Variants in ARID1B observed in about 807,000 individuals in gnomAD.
ARID1B encodes AT-rich interactive domain-containing protein 1B.
Under a neutral mutation model 212.3 loss-of-function variants are expected in ARID1B, and 30 were observed. The observed-to-expected ratio is 0.14, with a 90% confidence interval of 0.11 to 0.19. The LOEUF is 0.19. ARID1B is among the 10% of genes least tolerant of loss of function. The pLI is 1.00. For missense variants in ARID1B, 2,891 were observed against 3,204.0 expected (o/e 0.90, Z 2.36); for synonymous variants, 1,402 against 1,301.7 (o/e 1.08, Z -1.66).
At chr6:156,967,731 G>A (rs1776899841) in intron 4 of ARID1B, among the ~76,000 whole-genome samples, 1 of 152,108 alleles carries the variant, frequency 6.6e-6, no homozygotes, top group South Asian at 2.1e-4. Flanking sequence ...AAAGTTATTT[G>A]ATCTTATTAA....
chr6:156,994,177 T>C (rs914601727), intron 4 of ARID1B, among the ~76,000 whole-genome samples: 3 of 152,168 alleles, frequency 2.0e-5, no homozygotes, highest in African/African-American at 4.8e-5. Context: ...ATTTAAAAAG[T>C]TTTTTGCCCT....
At chr6:156,843,393 A>G (rs540046609) in intron 2 of ARID1B, among the ~76,000 whole-genome samples, 18 of 152,352 alleles carry the variant, frequency 1.2e-4, no homozygotes, top group African/African-American at 4.1e-4. Context: ...CAGCACATGT[A>G]TTTTCAATGT....
intron 1 of ARID1B, among the ~76,000 whole-genome samples, chr6:156,825,922 A>G (rs1336202629): frequency 6.6e-6 from 1 of 152,240 alleles, no homozygotes; most frequent in East Asian, 1.9e-4. Flanking sequence ...TCTAATTTAA[A>G]TAATTATGAG....
Position 157,094,450 on chromosome 6 carries a change from G to A in ARID1B, c.2491+9545G>A, listed in dbSNP as rs915867723. Among the ~76,000 whole-genome samples the A allele has an allele frequency of 6.6e-6, 1 of 152,120 alleles. No homozygotes were observed. Among genetic ancestry groups the A allele is most frequent in the African/African-American group, 2.4e-5 (1 of 41,402 alleles). On this transcript the variant is annotated intron_variant, in intron 5 of 19. Coordinates refer to ENST00000636930, the MANE Select transcript of ARID1B (RefSeq NM_001374828.1). The surrounding 1 kb of genome is among the most constrained non-coding windows in gnomAD (Gnocchi z 4.3). ...ACTCACTACAACCTCTACCTCCCAGGTTCAAGCAATTCTCCTACCTCAGCC... is the reference window on the plus strand; with the variant it reads ...ACTCACTACAACCTCTACCTCCCAGATTCAAGCAATTCTCCTACCTCAGCC...
At chr6:156,932,234 G>A (rs1309055452) in intron 3 of ARID1B, among the ~76,000 whole-genome samples, 2 of 151,170 alleles carry the variant, frequency 1.3e-5, no homozygotes, top group African/African-American at 4.9e-5. Context: ...TCACACCTTT[G>A]TTTGTGAGTC....
At chr6:156,929,557 A>G (rs1791527436) in intron 3 of ARID1B, among the ~76,000 whole-genome samples, 1 of 152,226 alleles carries the variant, frequency 6.6e-6, no homozygotes. Context: ...GGATCAAGAA[A>G]TTATTGAGAC....
chr6:156,883,896 G>T (rs1410046927), intron 2 of ARID1B, among the ~76,000 whole-genome samples: 1 of 152,152 alleles, frequency 6.6e-6, no homozygotes, highest in African/African-American at 2.4e-5. Flanking sequence ...ATGGCATTTT[G>T]TATCAACAAC....
chr6:156,935,333 A>T (rs1792107380), intron 3 of ARID1B, 133 bp from the exon 4 acceptor site: 1 of 699,570 alleles, frequency 1.4e-6, no homozygotes, highest in Non-Finnish European at 2.5e-6. Flanking sequence ...GCCTGCCTTG[A>T]TCTCCCGAAG....
intron 1 of ARID1B, among the ~76,000 whole-genome samples, chr6:156,789,781 C>A (rs749933294): frequency 1.3e-5 from 2 of 152,150 alleles, no homozygotes; most frequent in South Asian, 2.1e-4. Context: ...CAAGTCACTT[C>A]GCTTCTCTGT....
rs34274512 is a variant in ARID1B at position 156,860,339 on chromosome 6, CT to C, written c.1986+30929del. On this transcript the variant is annotated intron_variant, in intron 2 of 19. Transcript: ENST00000636930. ...ACATAACTTATTTTTTCAGTGTCTT[CT>C]TTTTTTTTTTCTTAAAAATTGATCT... is the stretch of plus-strand genomic sequence containing the variant. 5.4e-3 allele frequency among the ~76,000 whole-genome samples: 795 copies of C among 146,834 alleles called. 6 individuals carry two copies. The highest frequency in any genetic ancestry group is 0.018 in the African/African-American group (720 of 40,224).
chr6:157,003,652 G>A (rs1779031278), intron 4 of ARID1B, among the ~76,000 whole-genome samples: 1 of 152,170 alleles, frequency 6.6e-6, no homozygotes, highest in African/African-American at 2.4e-5. Flanking sequence ...ACAGTGAAGT[G>A]TTAATGGCAG....
At chr6:156,976,120 G>A (rs1002977006) in intron 4 of ARID1B, among the ~76,000 whole-genome samples, 12 of 152,136 alleles carry the variant, frequency 7.9e-5, no homozygotes, top group African/African-American at 2.4e-4. Flanking sequence ...CAGTCAGGGT[G>A]GGGCAGGAAC....
At chr6:156,983,905 C>T (rs1488557053) in intron 4 of ARID1B, among the ~76,000 whole-genome samples, 1 of 152,122 alleles carries the variant, frequency 6.6e-6, no homozygotes, top group African/African-American at 2.4e-5. Flanking sequence ...TTTCCTGCAC[C>T]CCTCAGCCAG....
At chr6:156,808,416 C>G (rs559694312) in intron 1 of ARID1B, among the ~76,000 whole-genome samples, 1 of 152,146 alleles carries the variant, frequency 6.6e-6, no homozygotes, top group South Asian at 2.1e-4. Flanking sequence ...AAAAAGGGAG[C>G]CTTCATTGTG....
intron 4 of ARID1B, among the ~76,000 whole-genome samples, chr6:157,018,315 C>A (rs934029244): frequency 7.0e-6 from 1 of 141,942 alleles, no homozygotes; most frequent in African/African-American, 2.6e-5. Flanking sequence ...TTCCCAGGTT[C>A]AAGTGATTGT....
intron 1 of ARID1B, among the ~76,000 whole-genome samples, chr6:156,813,732 T>C (rs953126505): frequency 5.8e-4 from 89 of 152,246 alleles, no homozygotes; most frequent in African/African-American, 1.9e-3. Flanking sequence ...ACTTAAGGAG[T>C]GACCCTAGAC....
At chr6:157,172,016 CCCA>C (rs1791748250) in intron 9 of ARID1B, among the ~76,000 whole-genome samples, 2 of 152,202 alleles carry the variant, frequency 1.3e-5, no homozygotes, top group African/African-American at 2.4e-5. Context: ...AAGCCATGTG[CCCA>C]TGACTTTACC....
chr6:156,880,954 T>C (rs971395678), intron 2 of ARID1B, among the ~76,000 whole-genome samples: 1 of 143,092 alleles, frequency 7.0e-6, no homozygotes, highest in African/African-American at 2.6e-5. Flanking sequence ...AGCACTTTTG[T>C]GGCTGTAAAG....
chr6:156,927,970 G>A (rs1791364492), intron 3 of ARID1B, among the ~76,000 whole-genome samples: 1 of 152,212 alleles, frequency 6.6e-6, no homozygotes, highest in Admixed American at 6.5e-5. Flanking sequence ...TGAGGTAGTT[G>A]TTTTGGAGGG....
Sources: gnomAD v4.1 joint callset for allele counts (sites outside exome capture counted in the v4.1 genomes callset) on GRCh38, gnomAD v4.1.1 for gene constraint, Gnocchi (gnomAD v3.1) non-coding constraint, MANE v1.5 for transcripts, NCBI Gene and HGNC (gene_info 2026-07-23, HGNC 2026-07-21) for gene names.